Variants in ZNF385D observed in about 807,000 individuals in gnomAD.
ZNF385D encodes zinc finger protein 659.
A neutral mutation model predicts 35.8 loss-of-function variants in ZNF385D; 15 were observed. The ratio of observed to expected loss-of-function variants is 0.42; its 90% CI spans 0.28 to 0.64. The LOEUF is 0.64. Among genes scored for constraint, ZNF385D ranks in the 30% least tolerant of loss-of-function variants. ZNF385D has a pLI of 0.23. For missense variants in ZNF385D, 474 were observed against 494.6 expected (o/e 0.96, Z 0.39); for synonymous variants, 212 against 186.8 (o/e 1.13, Z -1.10).
At position 21,872,000 on chromosome 3, in the gene ZNF385D, G is replaced by C. The variant is rs971341621; in HGVS notation, c.326-206972C>G. ...CAACAAAGAGCGAAACTCTGTCTCA[G>C]AAAAAAAAATACCCCATCATTTTAT... On this transcript the variant is annotated intron_variant, in intron 3 of 5. Coordinates refer to the ZNF385D transcript ENST00000494108. Among the ~76,000 whole-genome samples the C allele has an allele frequency of 8.7e-5, 13 of 149,530 alleles. 1 individual carries two copies. The East Asian group carries it at 2.6e-3, about 29-fold the overall frequency.
intron 3 of ZNF385D, among the ~76,000 whole-genome samples, chr3:21,548,720 G>A (rs1196383790): frequency 1.3e-5 from 2 of 152,212 alleles, no homozygotes; most frequent in African/African-American, 4.8e-5. Flanking sequence ...TTAAGTGACT[G>A]ATGGTCTTAG....
At chr3:22,238,789 G>C (rs1035076090) in intron 2 of ZNF385D, among the ~76,000 whole-genome samples, 2 of 150,846 alleles carry the variant, frequency 1.3e-5, no homozygotes, top group Non-Finnish European at 2.9e-5. Context: ...CTGAGGTATA[G>C]TGTTGTGAAC....
At chr3:22,313,748 A>T (rs1245234700) in intron 2 of ZNF385D, among the ~76,000 whole-genome samples, 1 of 152,178 alleles carries the variant, frequency 6.6e-6, no homozygotes, top group Non-Finnish European at 1.5e-5. Context: ...AAGTGATTTT[A>T]AAAATTTCTT....
chr3:21,867,879 C>A (rs1697458960), intron 3 of ZNF385D, among the ~76,000 whole-genome samples: 2 of 152,068 alleles, frequency 1.3e-5, no homozygotes, highest in Non-Finnish European at 2.9e-5. Flanking sequence ...TAAAATGTGG[C>A]TGGTGCACCT....
chr3:21,810,958 ATG>A (rs1360142723), intron 3 of ZNF385D, among the ~76,000 whole-genome samples: 175 of 139,466 alleles, frequency 1.3e-3, no homozygotes, highest in Non-Finnish European at 2.2e-3. Context: ...ACACACACAT[ATG>A]TGTGTGTATA....
At chr3:22,308,844 A>AC (rs1703381353) in intron 2 of ZNF385D, among the ~76,000 whole-genome samples, 1 of 152,028 alleles carries the variant, frequency 6.6e-6, no homozygotes, top group Non-Finnish European at 1.5e-5. Flanking sequence ...TAAGTTTCCA[A>AC]TTTTTTTCTC....
At chr3:21,800,751 C>T (rs1460266613) in intron 3 of ZNF385D, among the ~76,000 whole-genome samples, 1 of 151,946 alleles carries the variant, frequency 6.6e-6, no homozygotes, top group Non-Finnish European at 1.5e-5. Flanking sequence ...GTTTGTTGAT[C>T]TTGTTTATTG....
rs981471649 is a variant in ZNF385D at position 21,525,514 on chromosome 3, G to A, written c.277-14491C>T. 4.6e-5 allele frequency among the ~76,000 whole-genome samples: 7 copies of A among 151,554 alleles called. No individual in the cohort carries two copies. The South Asian group carries it at 1.2e-3, about 27-fold the overall frequency. On this transcript the variant is annotated intron_variant, in intron 3 of 7. Coordinates refer to ENST00000281523, the MANE Select transcript of ZNF385D (RefSeq NM_024697.3). ...ACCAGCCTCAACATGGAGAAACCCCGTCTCTACTAAAAATACAAAATTAGC... is the reference window on the plus strand; with the variant it reads ...ACCAGCCTCAACATGGAGAAACCCCATCTCTACTAAAAATACAAAATTAGC...
At chr3:21,514,312 C>T (rs1050714737) in intron 3 of ZNF385D, among the ~76,000 whole-genome samples, 2 of 152,104 alleles carry the variant, frequency 1.3e-5, no homozygotes, top group African/African-American at 4.8e-5. Flanking sequence ...TTCATTCTAC[C>T]GTATTTCAGA....
At chr3:22,128,575 T>C (rs959014660) in intron 3 of ZNF385D, among the ~76,000 whole-genome samples, 13 of 152,168 alleles carry the variant, frequency 8.5e-5, no homozygotes, top group African/African-American at 3.1e-4. Context: ...TTTATTCTTT[T>C]TGTCTCCTCT....
intron 1 of ZNF385D, among the ~76,000 whole-genome samples, chr3:21,690,199 G>A (rs894169037): frequency 1.3e-5 from 2 of 151,894 alleles, no homozygotes; most frequent in African/African-American, 4.8e-5. Context: ...TGTTGTGTTT[G>A]TGTGTGTGCA....
intron 3 of ZNF385D, among the ~76,000 whole-genome samples, chr3:21,836,069 C>A (rs1457352791): frequency 6.6e-6 from 1 of 151,976 alleles, no homozygotes; most frequent in Non-Finnish European, 1.5e-5. Context: ...GTTAGGTACA[C>A]TGTTACAATA....
chr3:22,283,766 A>G (rs1298618092), intron 2 of ZNF385D, among the ~76,000 whole-genome samples: 2 of 152,164 alleles, frequency 1.3e-5, no homozygotes, highest in Non-Finnish European at 2.9e-5. Context: ...TGATCACCCA[A>G]TACATTTTAG....
chr3:22,016,433 C>T (rs1258500849), intron 3 of ZNF385D, among the ~76,000 whole-genome samples: 5 of 152,084 alleles, frequency 3.3e-5, no homozygotes, highest in Non-Finnish European at 5.9e-5. Context: ...ATTGTGCAGA[C>T]CAAGGTAAAC....
chr3:22,094,968 C>A (rs961729463), intron 3 of ZNF385D, among the ~76,000 whole-genome samples: 1 of 151,938 alleles, frequency 6.6e-6, no homozygotes, highest in African/African-American at 2.4e-5. Flanking sequence ...TATAGTGGCT[C>A]ATGATCATAG....
At chr3:21,838,515 G>T (rs945903954) in intron 3 of ZNF385D, among the ~76,000 whole-genome samples, 2 of 151,988 alleles carry the variant, frequency 1.3e-5, no homozygotes, top group Admixed American at 1.3e-4. Context: ...ATATCACACC[G>T]ACACTCTAAG....
chr3:22,294,229 T>C (rs1183599111), intron 2 of ZNF385D, among the ~76,000 whole-genome samples: 1 of 152,102 alleles, frequency 6.6e-6, no homozygotes, highest in East Asian at 1.9e-4. Context: ...CAGTAAACCC[T>C]ATAAAATGGC....
At position 21,652,986 on chromosome 3, in the gene ZNF385D, GTCAC is replaced by G. The variant is rs1294772272; in HGVS notation, c.165+11896_165+11899del. On this transcript the variant is annotated intron_variant, in intron 2 of 7. Coordinates refer to ENST00000281523, the MANE Select transcript of ZNF385D (RefSeq NM_024697.3). ...TTGTTTTTTCCTTACCTCTTCCAGT[GTCAC>G]TCACTCCTCAGAACCACCTGCAAAT... Among the ~76,000 whole-genome samples, 16 of 152,054 alleles carry G rather than the reference GTCAC, an allele frequency of 1.1e-4. No homozygotes were observed. In the East Asian group the frequency reaches 3.1e-3, roughly 29 times the overall value.
intron 3 of ZNF385D, among the ~76,000 whole-genome samples, chr3:21,945,176 TG>T (rs1701720638): frequency 6.7e-5 from 10 of 150,058 alleles, no homozygotes; most frequent in Non-Finnish European, 1.0e-4. Context: ...ATATATATAG[TG>T]AGAGAGAGAG....
Sources: allele counts gnomAD v4.1 joint callset (sites outside exome capture counted in the v4.1 genomes callset), GRCh38; gene constraint gnomAD v4.1.1; transcripts MANE v1.5; gene names NCBI Gene and HGNC (gene_info 2026-07-23, HGNC 2026-07-21).